Variants in NME7 observed in about 807,000 individuals in gnomAD.
The protein encoded by NME7 is NME/NM23 family member 7, also known as nucleoside diphosphate kinase 7.
NME7 carries 41 observed loss-of-function variants against 49.1 expected under a neutral mutation model. The observed-to-expected ratio is 0.83, with a 90% CI of 0.65 to 1.08. The LOEUF is 1.08. NME7 is among the 50% of genes least tolerant of loss of function. NME7 has a pLI of 0.00. For missense variants in NME7, 423 were observed against 463.4 expected (o/e 0.91, Z 0.80); for synonymous variants, 139 against 150.6 (o/e 0.92, Z 0.56).
intron 1 of NME7, among the ~76,000 whole-genome samples, chr1:169,333,032 C>T (rs967404272): frequency 1.3e-5 from 2 of 152,112 alleles, no homozygotes; most frequent in African/African-American, 4.8e-5. Flanking sequence ...GCACTGTTTA[C>T]AATAGCTAAG....
chr1:169,262,644 C>T (rs1017677740), intron 7 of NME7, among the ~76,000 whole-genome samples: 2 of 132,964 alleles, frequency 1.5e-5, no homozygotes, highest in East Asian at 4.0e-4. Context: ...TCTGTCGGGG[C>T]TCAGTGCAGA....
At chr1:169,269,400 C>A (rs1649416851) in intron 7 of NME7, among the ~76,000 whole-genome samples, 1 of 133,872 alleles carries the variant, frequency 7.5e-6, no homozygotes, top group Admixed American at 7.4e-5. Flanking sequence ...AAAACTGGGA[C>A]CACTTCTGGA....
intron 1 of NME7, among the ~76,000 whole-genome samples, chr1:169,366,828 G>A (rs1343058459): frequency 1.3e-5 from 2 of 152,118 alleles, no homozygotes; most frequent in African/African-American, 4.8e-5. Context: ...GGGAAAACTG[G>A]GGTAACCAAA....
rs547096833 is a variant in NME7, at chr1:169,180,872, A to C, written c.991-11318T>G. Among the ~76,000 whole-genome samples, 11 of 152,226 alleles carry C rather than the reference A, an allele frequency of 7.2e-5. No individual in the cohort carries two copies. The East Asian group carries it at 1.5e-3, about 21-fold the overall frequency. ...TTGTGTATAATACATCTCAGTTAGAACCAGCCATGTTTCAGGTGCTGGAGA... is the reference window on the plus strand; with the variant it reads ...TTGTGTATAATACATCTCAGTTAGACCCAGCCATGTTTCAGGTGCTGGAGA... On this transcript the variant is annotated intron_variant, in intron 10 of 11. Transcript: ENST00000367811.
In NME7 at chr1:169,257,700, T is replaced by C. The variant is rs895595333; in HGVS notation, c.755-20013A>G. ...TTTCTTTTAAAGTTTAAAACTCCTT[T>C]TAGCATTTTCAATAGAGCTGGTCTA... On this transcript the variant is annotated intron_variant, in intron 7 of 11. Coordinates refer to ENST00000367811, the MANE Select transcript of NME7 (RefSeq NM_013330.5). 5.2e-5 allele frequency among the ~76,000 whole-genome samples: 7 copies of C among 134,350 alleles called. 1 individual carries two copies. The highest frequency in any genetic ancestry group is 7.6e-5 in the African/African-American group (3 of 39,720). The allele number at this position is 134,350 out of a possible 152,430, so 88.1% of individuals were successfully genotyped here. A position where few individuals can be genotyped will look rare whatever the true frequency, so the allele number is the denominator to read the frequency against.
intron 2 of NME7, among the ~76,000 whole-genome samples, chr1:169,323,883 C>T (rs1341001265): frequency 1.5e-5 from 2 of 134,132 alleles, no homozygotes; most frequent in Admixed American, 8.4e-5. Flanking sequence ...CTCATGCAGT[C>T]GCCCAGGCAG....
intron 1 of NME7, among the ~76,000 whole-genome samples, chr1:169,335,717 TTAAA>T (rs202077653): frequency 0.012 from 1,773 of 147,094 alleles, 47 homozygotes; most frequent in African/African-American, 0.041. Flanking sequence ...TTTATATATA[TTAAA>T]TAAATAATAT....
rs574106617 is a variant in NME7 at position 169,276,556 on chromosome 1, C to T, written c.754+10747G>A. ...ATATCCCCTTTATCAGTTTTTATTGCGTCTATTAGATTCTTCTCTCTTTTT... is the reference window on the plus strand; with the variant it reads ...ATATCCCCTTTATCAGTTTTTATTGTGTCTATTAGATTCTTCTCTCTTTTT... On this transcript the variant is annotated intron_variant, in intron 7 of 11. Coordinates refer to ENST00000367811, the MANE Select transcript of NME7 (RefSeq NM_013330.5). 1.8e-4 allele frequency among the ~76,000 whole-genome samples: 24 copies of T among 131,770 alleles called. 4 individuals are homozygous for T. The South Asian group carries it at 2.1e-3, about 12-fold the overall frequency. 86.4% of individuals were successfully genotyped at this position (131,770 alleles called of 152,430 possible).
chr1:169,188,822 GA>G (rs1660143881), intron 10 of NME7, among the ~76,000 whole-genome samples: 1 of 152,104 alleles, frequency 6.6e-6, no homozygotes, highest in South Asian at 2.1e-4. Context: ...ATCTTAAAAG[GA>G]ATATTCTAAG....
chr1:169,158,889 C>A (rs1413987501), intron 11 of NME7, among the ~76,000 whole-genome samples: 3 of 152,118 alleles, frequency 2.0e-5, no homozygotes, highest in Non-Finnish European at 4.4e-5. Flanking sequence ...CCATTGGAAG[C>A]CTGTTTACTA....
intron 1 of NME7, among the ~76,000 whole-genome samples, chr1:169,352,344 T>C (rs938888324): frequency 6.6e-6 from 1 of 152,108 alleles, no homozygotes; most frequent in African/African-American, 2.4e-5. Flanking sequence ...ATCATTTCCA[T>C]TGATGCCGAA....
intron 10 of NME7, among the ~76,000 whole-genome samples, chr1:169,227,000 G>A (rs530727031): frequency 1.3e-5 from 2 of 152,188 alleles, no homozygotes; most frequent in Non-Finnish European, 2.9e-5. Flanking sequence ...ATGAGGTTAC[G>A]AGGTCCTTAA....
Position 169,235,153 on chromosome 1 carries a change from T to C in NME7, c.866A>G (p.Lys289Arg). Residue 289 changes from lysine to arginine, a missense_variant, in exon 9 of 12, where the codon AAA becomes AGA. By Grantham distance (26) the Lys-to-Arg change is conservative. Transcript: ENST00000367811. Reference sequence around the variant, plus strand: ...TACATGATATTCGGTCACTACTCCTTTATAAACTTCATAGAATTCCTCAAC... The same window carrying C: ...TACATGATATTCGGTCACTACTCCTCTATAAACTTCATAGAATTCCTCAAC... ...VNVEEFYEVY[K>R]GVVTEYHDMV... 6.5e-7 allele frequency: 1 copy of C among 1,537,788 alleles called. No homozygotes were observed. Among genetic ancestry groups the C allele is most frequent in the Non-Finnish European group, 8.9e-7 (1 of 1,120,904 alleles).
intron 10 of NME7, among the ~76,000 whole-genome samples, chr1:169,193,293 C>T (rs1660286781): frequency 1.3e-5 from 2 of 152,112 alleles, no homozygotes; most frequent in Non-Finnish European, 2.9e-5. Flanking sequence ...TTAAGGGCCC[C>T]CAAAGTCTCT....
intron 7 of NME7, among the ~76,000 whole-genome samples, chr1:169,248,873 A>G (rs541754369): frequency 1.2e-3 from 168 of 136,694 alleles, no homozygotes; most frequent in African/African-American, 3.8e-3. Flanking sequence ...TTTTGTAACT[A>G]CAGCCTTGTG....
At chr1:169,336,278 C>G (rs1652468827) in intron 1 of NME7, among the ~76,000 whole-genome samples, 3 of 151,946 alleles carry the variant, frequency 2.0e-5, no homozygotes, top group Middle Eastern at 3.4e-3. Context: ...AAAGAGTGAG[C>G]AGTAGCAAGA....
At chr1:169,212,237 G>T (rs1660845272) in intron 10 of NME7, among the ~76,000 whole-genome samples, 1 of 151,734 alleles carries the variant, frequency 6.6e-6, no homozygotes, top group Admixed American at 6.6e-5. Flanking sequence ...TATTTACTTT[G>T]CTATTTACTT....
chr1:169,171,688 G>A (rs888268212), intron 10 of NME7, among the ~76,000 whole-genome samples: 1 of 151,648 alleles, frequency 6.6e-6, no homozygotes, highest in Non-Finnish European at 1.5e-5. Context: ...GCTTGAACCC[G>A]GCGGTGCGGA....
chr1:169,200,618 C>T (rs9633334), intron 10 of NME7, among the ~76,000 whole-genome samples: 16,481 of 152,118 alleles, frequency 0.11, 953 homozygotes, highest in East Asian at 0.17. Context: ...TATTCCCCTG[C>T]CCTAATTTCC....
Sources: gnomAD v4.1 joint callset for allele counts (sites outside exome capture counted in the v4.1 genomes callset) on GRCh38, gnomAD v4.1.1 for gene constraint, MANE v1.5 for transcripts, NCBI Gene and HGNC (gene_info 2026-07-23, HGNC 2026-07-21) for gene names.